The following FHAD1 variants were observed in gnomAD, a reference collection of about 807,000 sequenced individuals.
FHAD1 encodes the protein forkhead-associated domain-containing protein 1.
FHAD1 carries 146 observed loss-of-function variants against 191.3 expected under a neutral mutation model. That is an observed-to-expected ratio of 0.76 (90% confidence interval 0.67 to 0.88). FHAD1 has a LOEUF of 0.88. Among genes scored for constraint, FHAD1 ranks in the 40% least tolerant of loss-of-function variants. The pLI, the probability that FHAD1 is intolerant of heterozygous loss-of-function variation, is 0.00. For missense variants in FHAD1, 1,635 were observed against 1,785.8 expected (o/e 0.92, Z 1.52); for synonymous variants, 616 against 672.3 (o/e 0.92, Z 1.29).
chr1:15,256,799 G>T (rs1341075010), intron 2 of FHAD1, among the ~76,000 whole-genome samples: 1 of 152,170 alleles, frequency 6.6e-6, no homozygotes, highest in African/African-American at 2.4e-5. Flanking sequence ...GGCTAGGAGG[G>T]CGAAGATCAT....
intron 4 of FHAD1, among the ~76,000 whole-genome samples, chr1:15,293,733 CA>C (rs1413127929): frequency 6.6e-5 from 10 of 152,008 alleles, no homozygotes; most frequent in Non-Finnish European, 7.4e-5. Flanking sequence ...AACCAACAAA[CA>C]AAAAAACAAA....
intron 32 of FHAD1, 167 bp downstream of exon 32, chr1:15,388,298 CCCT>C (rs1463988007): frequency 4.8e-5 from 11 of 227,118 alleles, no homozygotes; most frequent in East Asian, 2.3e-4. Context: ...CTCCCTCCTT[CCCT>C]TCCCTCCCCA....
intron 3 of FHAD1, among the ~76,000 whole-genome samples, chr1:15,279,620 T>C (rs2101570540): frequency 6.6e-6 from 1 of 151,366 alleles, no homozygotes; most frequent in East Asian, 2.0e-4. Context: ...AAGCAGATTC[T>C]TGCCCCACCT....
chr1:15,377,941 TATTTC>T (rs1309392784), intron 28 of FHAD1, among the ~76,000 whole-genome samples: 1 of 152,238 alleles, frequency 6.6e-6, no homozygotes, highest in Non-Finnish European at 1.5e-5. Context: ...TCACATGTGT[TATTTC>T]ATTTAATCCA....
At chr1:15,372,391 G>A (rs1698356679) in intron 26 of FHAD1, among the ~76,000 whole-genome samples, 2 of 152,186 alleles carry the variant, frequency 1.3e-5, no homozygotes, top group African/African-American at 2.4e-5. Flanking sequence ...ATCAAAGGAG[G>A]AAGAACAAAC....
intron 33 of FHAD1, among the ~76,000 whole-genome samples, chr1:15,395,870 G>T (rs1000542671): frequency 2.6e-5 from 4 of 152,098 alleles, no homozygotes; most frequent in African/African-American, 9.7e-5. Flanking sequence ...TCTTCTTCCA[G>T]TGTGGCCCAG....
intron 1 of FHAD1, among the ~76,000 whole-genome samples, chr1:15,241,629 G>C (rs766815357): frequency 6.6e-6 from 1 of 151,506 alleles, no homozygotes; most frequent in Non-Finnish European, 1.5e-5. Context: ...TGGGTGATAA[G>C]AGCAAAAGTC....
chr1:15,373,713 G>A (rs1227363921), intron 26 of FHAD1, among the ~76,000 whole-genome samples: 2 of 152,078 alleles, frequency 1.3e-5, no homozygotes, highest in Non-Finnish European at 2.9e-5. Flanking sequence ...AAAATTAGTC[G>A]GGCGTGGTGG....
chr1:15,350,985 G>T (rs560952520), intron 19 of FHAD1, among the ~76,000 whole-genome samples: 59 of 152,318 alleles, frequency 3.9e-4, no homozygotes, highest in African/African-American at 1.3e-3. Context: ...GCCAGGGATG[G>T]GGTCCTGAAG....
Position 15,389,314 on chromosome 1 carries a change from C to T in FHAD1, c.4269+1183C>T, listed in dbSNP as rs115622161. Among the ~76,000 whole-genome samples the T allele has an allele frequency of 7.2e-3, 1,088 of 151,850 alleles. 9 individuals are homozygous for T. The highest frequency in any genetic ancestry group is 0.011 in the Non-Finnish European group (731 of 67,960). On this transcript the variant is annotated intron_variant, in intron 32 of 33. Transcript: ENST00000688493. The stretch of plus-strand genomic sequence containing the variant: ...ACAAAAAATTAGCCAGCCATGGTGG[C>T]GTGCACCTGTAGTCCCAGCTACTCA...
rs1322964238 is a variant in FHAD1, at chr1:15,328,348, A to T, written c.1629A>T (p.Lys543Asn). Residue 543 changes from lysine to asparagine, a missense_variant, in exon 13 of 34, where the codon AAA (lysine) becomes AAT (asparagine). Transcript: ENST00000688493. Reference sequence around the variant, plus strand: ...AGCAGAAAAAGTGGACCCTCCAGAAAGAGACCCAGCTGAGCAACTCCAAGC... The same window carrying T: ...AGCAGAAAAAGTGGACCCTCCAGAATGAGACCCAGCTGAGCAACTCCAAGC... ...NFQQKKWTLQ[K>N]ETQLSNSKQE... 1 of 1,549,652 alleles carries T rather than the reference A, an allele frequency of 6.5e-7. No homozygotes were observed. The highest frequency in any genetic ancestry group is 8.7e-7 in the Non-Finnish European group (1 of 1,146,246).
intron 27 of FHAD1, 30 bp downstream of exon 27, chr1:15,374,661 T>A: frequency 1.3e-6 from 2 of 1,549,602 alleles, no homozygotes; most frequent in African/African-American, 2.7e-5. Context: ...GTCAGAGCAG[T>A]GGACCCCAGA....
intron 8 of FHAD1, chr1:15,314,678 G>A (rs550766421): frequency 0.056 from 9 of 160 alleles, no homozygotes; most frequent in African/African-American, 0.28. Context: ...GGGTGAATGG[G>A]TGTGTGGGGA....
In FHAD1 at chr1:15,299,199, CAA is replaced by C. The variant is rs35299485; in HGVS notation, c.679-1989_679-1988del. Among the ~76,000 whole-genome samples the C allele has an allele frequency of 1.9e-4, 9 of 46,370 alleles. No homozygotes were observed. In the South Asian group the frequency reaches 2.4e-3, roughly 13 times the overall value. The allele number at this position is 46,370 out of a possible 152,430, so 30.4% of individuals were successfully genotyped here. A position where few individuals can be genotyped will look rare whatever the true frequency, so the allele number is the denominator to read the frequency against. ...TGGGTGACAGAGCAAGACCCTGTCT[CAA>C]AAAAAAAAAAAAAAAAGGAAAAAAA... On this transcript the variant is annotated intron_variant, in intron 5 of 33. Coordinates refer to ENST00000688493, the MANE Select transcript of FHAD1 (RefSeq NM_001391957.1).
At position 15,308,683 on chromosome 1, in the gene FHAD1, C is replaced by T. The variant is rs1574197852; in HGVS notation, c.986C>T (p.Thr329Ile). 1 of 1,551,760 alleles carries T rather than the reference C, an allele frequency of 6.4e-7. No individual in the cohort carries two copies. Among genetic ancestry groups the T allele is most frequent in the Non-Finnish European group, 8.7e-7 (1 of 1,147,008 alleles). ...QTLSERNSEITSLKNEGENLK... is the reference protein window; with the variant it reads ...QTLSERNSEIISLKNEGENLK... ...CTGTCAGAGCGGAACTCAGAAATCA[C>T]ATCCCTGAAGAATGAGGGCGAGAAC... The change falls in exon 7 of 34, where the codon ACA (threonine) becomes ATA (isoleucine). Residue 329 changes from threonine (T) to isoleucine (I), a missense_variant. Coordinates refer to ENST00000688493, the MANE Select transcript of FHAD1 (RefSeq NM_001391957.1).
At chr1:15,342,140 T>A (rs985124961) in intron 16 of FHAD1, among the ~76,000 whole-genome samples, 2 of 152,232 alleles carry the variant, frequency 1.3e-5, no homozygotes, top group Non-Finnish European at 2.9e-5. Context: ...TGTTTGTGTA[T>A]GTATTGCAGT....
intron 32 of FHAD1, among the ~76,000 whole-genome samples, chr1:15,390,144 C>T (rs552207131): frequency 6.6e-6 from 1 of 152,086 alleles, no homozygotes; most frequent in South Asian, 2.1e-4. Flanking sequence ...TCAGGAGTTC[C>T]AGACCAGCCT....
At chr1:15,283,403 A>T (rs989015183) in intron 3 of FHAD1, among the ~76,000 whole-genome samples, 2 of 152,250 alleles carry the variant, frequency 1.3e-5, no homozygotes, top group African/African-American at 4.8e-5. Flanking sequence ...GTAGCAGCAC[A>T]TCACTCTACA....
At chr1:15,290,380 G>A (rs1664152175) in intron 4 of FHAD1, among the ~76,000 whole-genome samples, 1 of 152,248 alleles carries the variant, frequency 6.6e-6, no homozygotes, top group South Asian at 2.1e-4. Context: ...ATGGTTCCCA[G>A]AGTTCCTCCC....
Sources: allele counts gnomAD v4.1 joint callset (sites outside exome capture counted in the v4.1 genomes callset), GRCh38; gene constraint gnomAD v4.1.1; transcripts MANE v1.5; gene names NCBI Gene and HGNC (gene_info 2026-07-23, HGNC 2026-07-21).